MGMT: variants seen among roughly 807,000 people sequenced by gnomAD.
MGMT encodes the protein O-6-methylguanine-DNA methyltransferase.
A neutral mutation model predicts 15.9 loss-of-function variants in MGMT; 14 were observed. That is an observed-to-expected ratio of 0.88 (90% CI 0.58 to 1.37). The LOEUF (loss-of-function observed/expected upper bound fraction) is 1.37, where lower values mean the gene tolerates loss of function less well. MGMT is among the 40% of genes most tolerant of loss of function. The pLI, the probability that MGMT is intolerant of heterozygous loss-of-function variation, is 0.00. For synonymous variants in MGMT, 130 were observed against 118.2 expected (o/e 1.10, Z -0.65); for missense variants, 282 against 268.1 (o/e 1.05, Z -0.36).
chr10:129,487,604 C>T (rs757285126), intron 1 of MGMT, among the ~76,000 whole-genome samples: 20 of 151,916 alleles, frequency 1.3e-4, no homozygotes, highest in Non-Finnish European at 2.5e-4. Context: ...TATGTACACA[C>T]ACTATATATG....
At chr10:129,601,880 A>C (rs138373629) in intron 2 of MGMT, among the ~76,000 whole-genome samples, 52 of 152,250 alleles carry the variant, frequency 3.4e-4, no homozygotes, top group Non-Finnish European at 6.8e-4. Flanking sequence ...CCACTGCAAT[A>C]CAAATAGAGT....
In MGMT at chr10:129,542,194, T is replaced by G. The variant is rs186516118; in HGVS notation, c.125+5817T>G. ...GACCTGCGTTTTGCCTCTCTCCTGCTCATCTCTAAATGTGTTCAGGAACTC... is the reference window on the plus strand; with the variant it reads ...GACCTGCGTTTTGCCTCTCTCCTGCGCATCTCTAAATGTGTTCAGGAACTC... On this transcript the variant is annotated intron_variant, in intron 2 of 4. Transcript: ENST00000651593. 2.6e-5 allele frequency among the ~76,000 whole-genome samples: 4 copies of G among 152,256 alleles called. No homozygotes were observed. In the East Asian group the frequency reaches 5.8e-4, roughly 22 times the overall value.
intron 1 of MGMT, among the ~76,000 whole-genome samples, chr10:129,494,134 G>C (rs774504788): frequency 1.1e-3 from 169 of 152,286 alleles, no homozygotes; most frequent in Admixed American, 4.8e-3. Context: ...ATAGTGTTTT[G>C]AGAAGTCAAA....
intron 4 of MGMT, among the ~76,000 whole-genome samples, chr10:129,765,384 A>T: frequency 6.6e-6 from 1 of 152,100 alleles, no homozygotes; most frequent in East Asian, 1.9e-4. Context: ...GAGCCCCCAG[A>T]GTCCCCTGCG....
At position 129,536,622 on chromosome 10, in the gene MGMT, A is replaced by G. The variant is rs1441352590; in HGVS notation, c.125+245A>G. 9.6e-6 allele frequency: 4 copies of G among 414,696 alleles called. No individual in the cohort carries two copies. In the Admixed American group the frequency reaches 1.8e-4, roughly 18 times the overall value. 25.7% of individuals were successfully genotyped at this position (414,696 alleles called of 1,614,324 possible). On this transcript the variant is annotated intron_variant, in intron 2 of 4. Transcript: ENST00000651593. ...AGGGCCGTTCCCTTCATACCCTTTC[A>G]TTAGTAGCTCTAAGATGTTTGATTA...
chr10:129,571,785 T>G (rs1411425792), intron 2 of MGMT, among the ~76,000 whole-genome samples: 1 of 152,228 alleles, frequency 6.6e-6, no homozygotes, highest in Non-Finnish European at 1.5e-5. Context: ...CTGGTCATAA[T>G]ATGAAGAGAA....
At chr10:129,551,427 A>T (rs888949685) in intron 2 of MGMT, among the ~76,000 whole-genome samples, 4 of 152,146 alleles carry the variant, frequency 2.6e-5, no homozygotes, top group African/African-American at 9.6e-5. Context: ...GGTGGGGCAG[A>T]GGGAGGGATG....
intron 1 of MGMT, among the ~76,000 whole-genome samples, chr10:129,472,569 C>G (rs973455893): frequency 1.3e-5 from 2 of 152,174 alleles, no homozygotes; most frequent in Admixed American, 6.5e-5. Context: ...AGTGCACCTT[C>G]TGGGAACAGA....
At chr10:129,668,459 C>T (rs1847684670) in intron 2 of MGMT, among the ~76,000 whole-genome samples, 1 of 152,110 alleles carries the variant, frequency 6.6e-6, no homozygotes, top group Admixed American at 6.5e-5. Context: ...TTTGGGTTTA[C>T]AGCATGAGAC....
At chr10:129,728,672 G>A (rs1755356331) in intron 3 of MGMT, among the ~76,000 whole-genome samples, 1 of 152,020 alleles carries the variant, frequency 6.6e-6, no homozygotes, top group Admixed American at 6.5e-5. Context: ...CTGCCCGCCT[G>A]CAGGTCTCAG....
intron 2 of MGMT, among the ~76,000 whole-genome samples, chr10:129,548,559 C>G (rs1176547670): frequency 6.6e-6 from 1 of 152,222 alleles, no homozygotes; most frequent in African/African-American, 2.4e-5. Context: ...TAAATCTTCT[C>G]TAGGTAAACA....
intron 2 of MGMT, among the ~76,000 whole-genome samples, chr10:129,672,667 A>G (rs766226340): frequency 3.3e-5 from 5 of 152,080 alleles, no homozygotes; most frequent in South Asian, 2.1e-4. Context: ...TCTCAATTCT[A>G]GTATTTTCAT....
intron 2 of MGMT, among the ~76,000 whole-genome samples, chr10:129,545,738 A>G (rs997526893): frequency 6.6e-5 from 10 of 152,170 alleles, no homozygotes; most frequent in Admixed American, 3.9e-4. Context: ...TATTCTTCCT[A>G]TATCTGTAAG....
rs533768639 is a variant in MGMT at position 129,769,768 on chromosome 10, G to C, written c.*2771G>C. Among the ~76,000 whole-genome samples, 2 of 152,312 alleles carry C rather than the reference G, an allele frequency of 1.3e-5. No homozygotes were observed. Among genetic ancestry groups the C allele is most frequent in the African/African-American group, 4.8e-5 (2 of 41,576 alleles). On this transcript the variant is annotated 3_prime_UTR_variant, in exon 5 of 5. Coordinates refer to ENST00000651593, the MANE Select transcript of MGMT (RefSeq NM_002412.5). ...CCACCTGCATTCCACGTGTCCTGTG[G>C]CCGCCTCCAGTGGTGAGTCTGTGAG...
At chr10:129,500,400 C>T (rs928823193) in intron 1 of MGMT, among the ~76,000 whole-genome samples, 3 of 152,140 alleles carry the variant, frequency 2.0e-5, no homozygotes, top group Non-Finnish European at 4.4e-5. Flanking sequence ...GGAATCTCCA[C>T]GCTTGACTTT....
chr10:129,753,609 A>G (rs1207564942), intron 3 of MGMT, among the ~76,000 whole-genome samples: 1 of 152,056 alleles, frequency 6.6e-6, no homozygotes. Context: ...TATGCAGTAC[A>G]GTTTTTAATT....
At chr10:129,635,079 G>A (rs901013998) in intron 2 of MGMT, among the ~76,000 whole-genome samples, 7 of 152,150 alleles carry the variant, frequency 4.6e-5, no homozygotes, top group Non-Finnish European at 1.0e-4. Context: ...AGCTCGCCCC[G>A]GATGGTCTGT....
intron 3 of MGMT, among the ~76,000 whole-genome samples, chr10:129,725,872 G>A (rs1276376602): frequency 1.3e-5 from 2 of 152,226 alleles, no homozygotes; most frequent in East Asian, 3.8e-4. Context: ...GCTGTCACGT[G>A]TCTGCACTGT....
chr10:129,714,016 G>T (rs916357209), intron 3 of MGMT, among the ~76,000 whole-genome samples: 11 of 152,254 alleles, frequency 7.2e-5, no homozygotes, highest in Admixed American at 6.5e-4. Flanking sequence ...AGCAGAACAA[G>T]AATGTCAGAT....
Sources: allele counts gnomAD v4.1 joint callset (sites outside exome capture counted in the v4.1 genomes callset), GRCh38; gene constraint gnomAD v4.1.1; transcripts MANE v1.5; gene names NCBI Gene and HGNC (gene_info 2026-07-23, HGNC 2026-07-21).